AKR7A3: variants seen among roughly 807,000 people sequenced by gnomAD.
AKR7A3 encodes the protein aldo-keto reductase family 7 member A3.
In AKR7A3, 37 loss-of-function variants were observed where a neutral mutation model predicts 32.5. The observed-to-expected ratio is 1.14, with a 90% confidence interval of 0.88 to 1.50. AKR7A3 has a LOEUF of 1.50. Among genes scored for constraint, AKR7A3 ranks in the 40% most tolerant of loss-of-function variants. AKR7A3 has a pLI of 0.00. For missense variants in AKR7A3, 412 were observed against 453.2 expected (o/e 0.91, Z 0.83); for synonymous variants, 177 against 188.4 (o/e 0.94, Z 0.50).
chr1:19,285,987 C>A lies in AKR7A3; in HGVS notation c.408G>T (p.Lys136Asn), dbSNP rs769288614. The change falls in exon 3 of 7, where the codon AAG becomes AAT. Residue 136 changes from lysine (K) to asparagine (N), a missense_variant. Coordinates refer to ENST00000361640, the MANE Select transcript of AKR7A3 (RefSeq NM_012067.3). ...AGTTGGAGAGGCCAAGCTCCACGAA[C>A]TTGCCCTGCTCAGGTGAGGCTCCAG... ...RACHQLHQEG[K>N]FVELGLSNYA... is the part of the protein sequence containing the mutation. The A allele has an allele frequency of 1.7e-5, 28 of 1,613,662 alleles. No individual in the cohort carries two copies. Among genetic ancestry groups the A allele is most frequent in the African/African-American group, 2.7e-5 (2 of 74,590 alleles).
In AKR7A3 at chr1:19,285,032, A is replaced by T. The variant is rs764482746; in HGVS notation, c.590T>A (p.Phe197Tyr). The T allele has an allele frequency of 6.9e-5, 112 of 1,612,744 alleles. No homozygotes were observed. The highest frequency in any genetic ancestry group is 5.0e-4 in the Admixed American group (30 of 60,018). Residue 197 changes from phenylalanine to tyrosine, a missense_variant, in exon 4 of 7, where the codon TTC becomes TAC. Phe to Tyr is a conservative substitution (Grantham distance 22). Transcript: ENST00000361640. Reference protein sequence around the residue: ...LRHFGLRFYAFNPLAGGLLTG... With the variant: ...LRHFGLRFYAYNPLAGGLLTG... ...GCTCCACGTACCAGCCAGAGGGTTGAAGGCATAGAACCTCAGTCCAAAGTG... is the reference window on the plus strand; with the variant it reads ...GCTCCACGTACCAGCCAGAGGGTTGTAGGCATAGAACCTCAGTCCAAAGTG...
downstream of AKR7A3, among the ~76,000 whole-genome samples, chr1:19,278,002 C>T (rs2093713601): frequency 2.0e-5 from 3 of 151,872 alleles, no homozygotes; most frequent in Admixed American, 2.0e-4. Context: ...TTTCTTTTGC[C>T]ACGTGTGCTT....
chr1:19,284,206 A>T (rs753250106), intron 5 of AKR7A3, 81 bp from the exon 6 acceptor site: 24 of 1,521,702 alleles, frequency 1.6e-5, no homozygotes, highest in Non-Finnish European at 9.7e-6. Context: ...CCACTGTCCC[A>T]CCCCACACCC....
rs754866738 is a variant in AKR7A3, at chr1:19,288,468, C to G, written c.214+28G>C. 1.9e-6 allele frequency: 3 copies of G among 1,606,834 alleles called. No homozygotes were observed. The South Asian group carries it at 3.3e-5, about 18-fold the overall frequency. On this transcript the variant is annotated intron_variant, in intron 1 of 6. Transcript: ENST00000361640. ...TGGACAGGCTCAGCTCTGCACCGTG[C>G]AGGGGGAGGATCAGGGGCCACTGTT...
the AKR7A3 span, chr1:19,274,266 G>T: frequency 3.5e-5 from 42 of 1,184,388 alleles, no homozygotes; most frequent in Admixed American, 3.8e-5. Context: ...CACGAGGACC[G>T]TCTGCACTTG....
intron 5 of AKR7A3, among the ~76,000 whole-genome samples, chr1:19,284,353 T>C (rs2151981415): frequency 6.6e-6 from 1 of 152,046 alleles, no homozygotes; most frequent in East Asian, 1.9e-4. Context: ...AGCCTGCTCT[T>C]ATTTTCCTTA....
chr1:19,283,869 T>A (rs1391275982), intron 6 of AKR7A3, 127 bp downstream of exon 6: 5 of 1,461,182 alleles, frequency 3.4e-6, no homozygotes, highest in Non-Finnish European at 4.6e-6. Flanking sequence ...GTGGGAAGAA[T>A]GTTTGTGAGA....
rs989461397 is a variant in AKR7A3 at position 19,285,913 on chromosome 1, C to T, written c.482G>A (p.Gly161Asp). 6.2e-7 allele frequency: 1 copy of T among 1,613,572 alleles called. No individual in the cohort carries two copies. The highest frequency in any genetic ancestry group is 1.3e-5 in the African/African-American group (1 of 74,654). Residue 161 changes from glycine to aspartate, a missense_variant, in exon 3 of 7, where the codon GGC becomes GAC. Transcript: ENST00000361640. The part of the protein sequence containing the change: ...AEICTLCKSN[G>D]WILPTVYQGM... ...CTGGTACACAGTGGGCAGGATCCAG[C>T]CGTTGCTCTTGCAGAGGGTACAGAT...
chr1:19,284,767 T>C lies in AKR7A3; in HGVS notation c.623A>G (p.Lys208Arg). 1 of 1,613,912 alleles carries C rather than the reference T, an allele frequency of 6.2e-7. No individual in the cohort carries two copies. The highest frequency in any genetic ancestry group is 8.5e-7 in the Non-Finnish European group (1 of 1,179,998). The change falls in exon 5 of 7, where the codon AAG (lysine) becomes AGG (arginine). Residue 208 changes from lysine to arginine, a missense_variant. Physicochemically the swap from Lys to Arg is conservative, Grantham distance 26. Transcript: ENST00000361640. ...NPLAGGLLTG[K>R]YKYEDKNGKQ... Reference sequence around the variant, plus strand: ...CCCATTCTTGTCCTCATACTTGTACTTGCCGGTCAGCAGGCCCCCTGAGGG... The same window carrying C: ...CCCATTCTTGTCCTCATACTTGTACCTGCCGGTCAGCAGGCCCCCTGAGGG...
chr1:19,287,423 C>T (rs1261214041), intron 1 of AKR7A3, among the ~76,000 whole-genome samples: 1 of 151,796 alleles, frequency 6.6e-6, no homozygotes, highest in Non-Finnish European at 1.5e-5. Context: ...CTGGATCTAC[C>T]ATGTGGTGAA....
intron 3 of AKR7A3, among the ~76,000 whole-genome samples, 189 bp downstream of exon 3, chr1:19,285,699 G>C (rs2093728307): frequency 6.6e-6 from 1 of 151,604 alleles, no homozygotes; most frequent in East Asian, 1.9e-4. Context: ...AGGCAGGAAG[G>C]AAGCAGATGC....
At chr1:19,274,283 G>T in the AKR7A3 span, 4 of 1,011,736 alleles carry the variant, frequency 4.0e-6, no homozygotes, top group Middle Eastern at 6.6e-4. Flanking sequence ...CTTGCACCGA[G>T]CAAGCAGCGA....
the AKR7A3 span, among the ~76,000 whole-genome samples, chr1:19,276,674 C>T: frequency 1.3e-5 from 2 of 151,486 alleles, no homozygotes; most frequent in African/African-American, 4.9e-5. Flanking sequence ...TGTTGGCATG[C>T]ACCTGTAATC....
At chr1:19,280,236 T>C (rs1483461494), downstream of AKR7A3, among the ~76,000 whole-genome samples, 1 of 151,806 alleles carries the variant, frequency 6.6e-6, no homozygotes, top group Non-Finnish European at 1.5e-5. Context: ...GACTTATCTC[T>C]ATATTTTCTT....
At chr1:19,281,204 G>A (rs1403206877), downstream of AKR7A3, among the ~76,000 whole-genome samples, 1 of 151,704 alleles carries the variant, frequency 6.6e-6, no homozygotes, top group Non-Finnish European at 1.5e-5. Context: ...ACCACGCCCG[G>A]CTATGTAGTT....
At chr1:19,279,303 C>A (rs2093715570), downstream of AKR7A3, among the ~76,000 whole-genome samples, 1 of 151,576 alleles carries the variant, frequency 6.6e-6, no homozygotes, top group Admixed American at 6.6e-5. Flanking sequence ...ATGAATATAC[C>A]ACATTTTGTT....
intron 4 of AKR7A3, 43 bp downstream of exon 4, chr1:19,284,975 G>T (rs114086292): frequency 0.038 from 61,290 of 1,610,874 alleles, 1,333 homozygotes; most frequent in South Asian, 0.055. Context: ...GGCATCTGTG[G>T]GTCGGGAATA....
intron 1 of AKR7A3, 110 bp downstream of exon 1, chr1:19,288,386 G>A: frequency 7.3e-7 from 1 of 1,363,870 alleles, no homozygotes; most frequent in Non-Finnish European, 9.8e-7. Flanking sequence ...GGCGGTGGGG[G>A]GGACAAAACT....
the AKR7A3 span, among the ~76,000 whole-genome samples, chr1:19,274,436 C>G: frequency 4.6e-5 from 7 of 151,866 alleles, no homozygotes; most frequent in African/African-American, 1.7e-4. Flanking sequence ...ATCCCTCGGC[C>G]TCGCCCGCCC....
Sources: allele counts gnomAD v4.1 joint callset (sites outside exome capture counted in the v4.1 genomes callset), GRCh38; gene constraint gnomAD v4.1.1; transcripts MANE v1.5; gene names NCBI Gene and HGNC (gene_info 2026-07-23, HGNC 2026-07-21).